The following NLRC4 variants were observed in gnomAD, a reference collection of about 807,000 sequenced individuals.
NLRC4 encodes the protein NLR family CARD domain-containing protein 4.
NLRC4 carries 63 observed loss-of-function variants against 79.9 expected under a neutral mutation model. That is an observed-to-expected ratio of 0.79 (90% CI 0.64 to 0.97). The LOEUF (loss-of-function observed/expected upper bound fraction) is 0.97. Among genes scored for constraint, NLRC4 ranks in the 50% least tolerant of loss-of-function variants. The probability of loss-of-function intolerance (pLI) is 0.00; values close to 1 mark genes in which losing one functional copy is unlikely to be tolerated. For missense variants in NLRC4, 1,074 were observed against 1,215.2 expected, an observed-to-expected ratio of 0.88 and a Z score of 1.73; for synonymous variants, 461 against 456.5, an observed-to-expected ratio of 1.01 and a Z score of -0.12.
intron 7 of NLRC4, 148 bp downstream of exon 7, chr2:32,236,099 T>C (rs1044363485): frequency 7.5e-6 from 4 of 536,578 alleles, no homozygotes; most frequent in Non-Finnish European, 1.3e-5. Flanking sequence ...TTAAGGGCAG[T>C]TTAAGAAAGG....
chr2:32,244,810 T>C (rs959671305), intron 4 of NLRC4, among the ~76,000 whole-genome samples: 2 of 140,938 alleles, frequency 1.4e-5, no homozygotes, highest in Non-Finnish European at 3.0e-5. Flanking sequence ...AGACCTCCTC[T>C]CTACAAAAAA....
At chr2:32,254,620 T>G (rs981684784) in intron 2 of NLRC4, among the ~76,000 whole-genome samples, 17 of 149,090 alleles carry the variant, frequency 1.1e-4, no homozygotes, top group Admixed American at 8.0e-4. Flanking sequence ...CTGGTTTTTT[T>G]TTTTTTTTTT....
rs145220236 is a variant in NLRC4, at chr2:32,261,703, C to T, written c.-119+3035G>A. Among the ~76,000 whole-genome samples, 768 of 152,192 alleles carry T rather than the reference C, an allele frequency of 5.0e-3. 5 individuals carry two copies. Among genetic ancestry groups the T allele is most frequent in the African/African-American group, 0.017 (706 of 41,536 alleles). ...ACATCAGGTATTTACCCCAATGATG[C>T]TGCTTCAAAAGCATATCTATTTTCA... On this transcript the variant is annotated intron_variant, in intron 1 of 8. Coordinates refer to ENST00000402280, the MANE Select transcript of NLRC4 (RefSeq NM_001199138.2).
At chr2:32,241,926 A>G (rs927409279) in intron 4 of NLRC4, among the ~76,000 whole-genome samples, 1 of 152,216 alleles carries the variant, frequency 6.6e-6, no homozygotes, top group Non-Finnish European at 1.5e-5. Context: ...AAAGGCCTCA[A>G]ATCAACAACC....
chr2:32,241,938 A>G (rs1306056086), intron 4 of NLRC4, among the ~76,000 whole-genome samples: 3 of 152,214 alleles, frequency 2.0e-5, no homozygotes, highest in Non-Finnish European at 2.9e-5. Context: ...TCAACAACCT[A>G]GGCATACTAC....
chr2:32,237,875 A>C (rs970809732), intron 6 of NLRC4, among the ~76,000 whole-genome samples: 3 of 152,062 alleles, frequency 2.0e-5, no homozygotes, highest in Non-Finnish European at 4.4e-5. Context: ...CCTATTTCTT[A>C]TTTTCTTCCT....
At chr2:32,246,272 CA>C (rs1686934482) in intron 4 of NLRC4, among the ~76,000 whole-genome samples, 1 of 152,130 alleles carries the variant, frequency 6.6e-6, no homozygotes, top group Non-Finnish European at 1.5e-5. Flanking sequence ...CCAAATTCAG[CA>C]CATAGGTGAT....
At chr2:32,224,850 C>CT (rs988655553) in intron 8 of NLRC4, 85 bp from the exon 9 acceptor site, 50 of 806,170 alleles carry the variant, frequency 6.2e-5, no homozygotes, top group South Asian at 3.4e-4. Flanking sequence ...ATTTTACATA[C>CT]TTTTTTTTCA....
At chr2:32,228,416 C>T (rs553205866) in intron 8 of NLRC4, among the ~76,000 whole-genome samples, 1 of 152,266 alleles carries the variant, frequency 6.6e-6, no homozygotes, top group East Asian at 1.9e-4. Context: ...CACCGCCTCC[C>T]TTAGACACAC....
At chr2:32,258,682 T>C (rs1687267054) in intron 1 of NLRC4, among the ~76,000 whole-genome samples, 1 of 152,178 alleles carries the variant, frequency 6.6e-6, no homozygotes, top group Admixed American at 6.5e-5. Flanking sequence ...AAGGAGTATG[T>C]TTAAAGTGAT....
rs747075901 is a variant in NLRC4 at position 32,224,724 on chromosome 2, A to G, written c.2824T>C (p.Leu942=). 1.3e-6 allele frequency: 2 copies of G among 1,599,824 alleles called. No homozygotes were observed. Among genetic ancestry groups the G allele is most frequent in the South Asian group, 1.1e-5 (1 of 88,246 alleles). The change falls in exon 9 of 9, where the codon TTG becomes CTG. Residue 942 remains leucine, a synonymous_variant. Coordinates refer to ENST00000402280, the MANE Select transcript of NLRC4 (RefSeq NM_001199138.2). ...CTCACACGATTTCCCGCCAAATTCA[A>G]CTGCTGGAAGTTTTTCAGAGGGTTC... ...GKNPLKNFQQ[L]NLAGNRVSSD...
rs776363259 is a variant in NLRC4, at chr2:32,250,764, T to C, written c.1100A>G (p.Tyr367Cys). 6.2e-7 allele frequency: 1 copy of C among 1,614,214 alleles called. No individual in the cohort carries two copies. The highest frequency in any genetic ancestry group is 2.2e-5 in the East Asian group (1 of 44,884). The change falls in exon 4 of 9, where the codon TAT becomes TGT. Residue 367 changes from tyrosine (Y) to cysteine (C), a missense_variant. Coordinates refer to ENST00000402280, the MANE Select transcript of NLRC4 (RefSeq NM_001199138.2). This position sits in a 1 kb window ranked among gnomAD's most constrained non-coding sequence, Gnocchi z 4.9. ...TTTGTTTTTCTGTATCAACAGATCA[T>C]AGAAGGTATGGAACAGCGTTGTTTG... ...HTQTTLFHTF[Y>C]DLLIQKNKHK... is the part of the protein sequence containing the mutation.
At chr2:32,251,885 A>G (rs1687087285) in intron 3 of NLRC4, among the ~76,000 whole-genome samples, 1 of 152,234 alleles carries the variant, frequency 6.6e-6, no homozygotes, top group Admixed American at 6.5e-5. Flanking sequence ...AGGAAAGTAA[A>G]GAATTTGGCA....
At chr2:32,237,046 A>G (rs1000006583) in intron 6 of NLRC4, among the ~76,000 whole-genome samples, 1 of 152,194 alleles carries the variant, frequency 6.6e-6, no homozygotes, top group Non-Finnish European at 1.5e-5. Flanking sequence ...AAAGACACAA[A>G]TATGTTGAGG....
At chr2:32,232,817 C>T (rs1298420123) in intron 8 of NLRC4, among the ~76,000 whole-genome samples, 2 of 152,240 alleles carry the variant, frequency 1.3e-5, no homozygotes, top group East Asian at 3.9e-4. Context: ...GATAGAAATA[C>T]AGGAGGTTGT....
At chr2:32,252,815 G>C (rs978848299) in intron 2 of NLRC4, 136 bp from the exon 3 acceptor site, 2 of 652,198 alleles carry the variant, frequency 3.1e-6, no homozygotes, top group East Asian at 2.8e-5. Context: ...TCAGGAGATC[G>C]AGACCATCCT....
intron 1 of NLRC4, among the ~76,000 whole-genome samples, chr2:32,257,561 C>A (rs1413672093): frequency 2.7e-5 from 4 of 147,766 alleles, no homozygotes; most frequent in African/African-American, 1.0e-4. Flanking sequence ...GAGCCGAGAT[C>A]GTGCCACTGC....
chr2:32,261,316 C>CCCCTTTTTTTTTTTTTTTTTTTTTTTT lies in NLRC4; in HGVS notation c.-119+3421_-119+3422insAAAAAAAAAAAAAAAAAAAAAAAAGGG. Among the ~76,000 whole-genome samples the CCCCTTTTTTTTTTTTTTTTTTTTTTTT allele has an allele frequency of 3.0e-3, 289 of 96,906 alleles. 12 individuals carry two copies. Among genetic ancestry groups the CCCCTTTTTTTTTTTTTTTTTTTTTTTT allele is most frequent in the Non-Finnish European group, 4.7e-3 (227 of 48,096 alleles). The allele number at this position is 96,906 out of a possible 152,430, so 63.6% of individuals were successfully genotyped here. A position where few individuals can be genotyped will look rare whatever the true frequency, so the allele number is the denominator to read the frequency against. ...TTCTTTCGCCTATTAAGCCTCCCCC[C>CCCCTTTTTTTTTTTTTTTTTTTTTTTT]TTTTGTTTTTTTTTGAGATGGAGCC... is the stretch of plus-strand genomic sequence containing the variant. On this transcript the variant is annotated intron_variant, in intron 1 of 8. Coordinates refer to ENST00000402280, the MANE Select transcript of NLRC4 (RefSeq NM_001199138.2).
chr2:32,243,950 CAT>C (rs771506051), intron 4 of NLRC4, among the ~76,000 whole-genome samples: 3 of 151,580 alleles, frequency 2.0e-5, no homozygotes, highest in East Asian at 3.9e-4. Flanking sequence ...GCAGAAAACA[CAT>C]GTGACATAAT....
Sources: gnomAD v4.1 joint callset for allele counts (sites outside exome capture counted in the v4.1 genomes callset) on GRCh38, gnomAD v4.1.1 for gene constraint, Gnocchi (gnomAD v3.1) non-coding constraint, MANE v1.5 for transcripts, NCBI Gene and HGNC (gene_info 2026-07-23, HGNC 2026-07-21) for gene names.